STX8: variants seen among roughly 807,000 people sequenced by gnomAD.
STX8 encodes the protein syntaxin-8.
Under a neutral mutation model 37.5 loss-of-function variants are expected in STX8, and 23 were observed. That is an observed-to-expected ratio of 0.61 (90% CI 0.44 to 0.87). STX8 has a LOEUF of 0.87. STX8 is among the 40% of genes least tolerant of loss of function. The pLI is 0.00. For missense variants in STX8, 313 were observed against 284.7 expected (o/e 1.10, Z -0.71); for synonymous variants, 115 against 99.1 (o/e 1.16, Z -0.95).
At chr17:9,352,466 C>CTTTT (rs745427686) in intron 7 of STX8, among the ~76,000 whole-genome samples, 17 of 88,120 alleles carry the variant, frequency 1.9e-4, no homozygotes, top group African/African-American at 7.3e-4. Flanking sequence ...CTTACTCCCA[C>CTTTT]TTTTTTTTTT....
chr17:9,386,104 CAAAA>C (rs57683285), intron 6 of STX8, among the ~76,000 whole-genome samples: 28,105 of 118,538 alleles, frequency 0.24, 3,300 homozygotes, highest in African/African-American at 0.37. Context: ...GCCTATTTCT[CAAAA>C]AAAAAAAAAA....
chr17:9,307,107 G>A (rs1030757152), intron 7 of STX8, among the ~76,000 whole-genome samples: 10 of 152,128 alleles, frequency 6.6e-5, no homozygotes, highest in African/African-American at 2.2e-4. Flanking sequence ...CTGGGACAGA[G>A]CAAGACTCCG....
chr17:9,473,035 G>C (rs547233501), intron 6 of STX8, among the ~76,000 whole-genome samples: 1 of 136,186 alleles, frequency 7.3e-6, no homozygotes, highest in East Asian at 2.0e-4. Context: ...TGTGTCTCAG[G>C]ATCTTTTTTT....
At chr17:9,385,788 AG>A (rs1371387160) in intron 6 of STX8, among the ~76,000 whole-genome samples, 3 of 152,132 alleles carry the variant, frequency 2.0e-5, no homozygotes, top group African/African-American at 7.2e-5. Flanking sequence ...TTGTTTTTTG[AG>A]GTGGCATCTT....
At chr17:9,405,714 C>T (rs1912778381) in intron 6 of STX8, among the ~76,000 whole-genome samples, 1 of 152,212 alleles carries the variant, frequency 6.6e-6, no homozygotes, top group Non-Finnish European at 1.5e-5. Context: ...CAATGAAAAT[C>T]TGTCAGGCAG....
intron 7 of STX8, among the ~76,000 whole-genome samples, chr17:9,347,545 TCA>T (rs1910574219): frequency 6.6e-6 from 1 of 152,330 alleles, no homozygotes; most frequent in East Asian, 1.9e-4. Context: ...AGACAGGGTC[TCA>T]CTCTGTTCCC....
At position 9,491,935 on chromosome 17, in the gene STX8, G is replaced by GA. The variant is rs1171155847; in HGVS notation, c.449-15dup. 9 of 1,575,358 alleles carry GA rather than the reference G, an allele frequency of 5.7e-6. No individual in the cohort carries two copies. The highest frequency in any genetic ancestry group is 7.8e-6 in the Non-Finnish European group (9 of 1,156,980). Reference sequence around the variant, plus strand: ...CTGCGTCCTGTTCTGAAAGAAAAAAGAAAAATAATTAACTAGAAACTAGAA... The same window carrying GA: ...CTGCGTCCTGTTCTGAAAGAAAAAAGAAAAAATAATTAACTAGAAACTAGAA... On this transcript the variant is annotated splice_polypyrimidine_tract_variant and intron_variant, in intron 5 of 7. Transcript: ENST00000306357.
chr17:9,264,421 C>T (rs1907157474), intron 7 of STX8, among the ~76,000 whole-genome samples: 1 of 152,208 alleles, frequency 6.6e-6, no homozygotes, highest in Non-Finnish European at 1.5e-5. Flanking sequence ...CCCCCCACGT[C>T]AGCCTCCTGA....
chr17:9,426,653 C>CAGG (rs71361893), intron 6 of STX8, among the ~76,000 whole-genome samples: 27,666 of 151,996 alleles, frequency 0.18, 3,046 homozygotes, highest in Middle Eastern at 0.27. Flanking sequence ...CTTAGCTACT[C>CAGG]AGGAGGCTGA....
chr17:9,388,928 T>C (rs187099143), intron 6 of STX8, among the ~76,000 whole-genome samples: 5 of 152,340 alleles, frequency 3.3e-5, no homozygotes, highest in Admixed American at 1.3e-4. Context: ...TTATAATTTC[T>C]CATGGTTACA....
chr17:9,309,733 G>T (rs1909126377), intron 7 of STX8, among the ~76,000 whole-genome samples: 1 of 152,152 alleles, frequency 6.6e-6, no homozygotes, highest in South Asian at 2.1e-4. Flanking sequence ...TAAAGGAAAG[G>T]GAAGGGGTCA....
intron 7 of STX8, among the ~76,000 whole-genome samples, chr17:9,288,305 T>C (rs1292742653): frequency 1.3e-5 from 2 of 151,244 alleles, no homozygotes; most frequent in Non-Finnish European, 2.9e-5. Flanking sequence ...TCTATGAAAT[T>C]AGAACAGAAT....
chr17:9,276,293 A>C (rs1907673245), intron 7 of STX8, among the ~76,000 whole-genome samples: 1 of 152,178 alleles, frequency 6.6e-6, no homozygotes, highest in Admixed American at 6.5e-5. Context: ...TTGGTTCCTA[A>C]CGAAGGGAAC....
At chr17:9,348,041 G>A (rs1239485214) in intron 7 of STX8, among the ~76,000 whole-genome samples, 2 of 152,070 alleles carry the variant, frequency 1.3e-5, no homozygotes, top group African/African-American at 2.4e-5. Flanking sequence ...ATAAATAATG[G>A]TGGTTGGATA....
chr17:9,402,888 T>C (rs9893856), intron 6 of STX8, among the ~76,000 whole-genome samples: 37,125 of 152,164 alleles, frequency 0.24, 4,953 homozygotes, highest in African/African-American at 0.34. Flanking sequence ...TCAGTGACTA[T>C]GGATACGGAG....
chr17:9,337,865 A>G (rs1054615915), intron 7 of STX8, among the ~76,000 whole-genome samples: 5 of 152,124 alleles, frequency 3.3e-5, no homozygotes, highest in African/African-American at 9.7e-5. Context: ...CCAACTGTTC[A>G]GGGTGGCTGG....
At chr17:9,514,069 C>A (rs1905100385) in intron 4 of STX8, among the ~76,000 whole-genome samples, 1 of 152,054 alleles carries the variant, frequency 6.6e-6, no homozygotes, top group Non-Finnish European at 1.5e-5. Context: ...AAGGGACACA[C>A]AATTATAGTT....
intron 6 of STX8, among the ~76,000 whole-genome samples, chr17:9,404,656 T>C (rs746724263): frequency 3.3e-5 from 5 of 152,126 alleles, no homozygotes; most frequent in Admixed American, 6.5e-5. Context: ...GGTTTCACCA[T>C]GTTGGCCAGG....
intron 4 of STX8, 139 bp downstream of exon 4, chr17:9,545,033 A>T (rs796179621): frequency 4.9e-6 from 3 of 613,098 alleles, no homozygotes; most frequent in African/African-American, 3.7e-5. Flanking sequence ...TAAATTGAGT[A>T]GAAAATTATA....
Sources: gnomAD v4.1 joint callset for allele counts (sites outside exome capture counted in the v4.1 genomes callset) on GRCh38, gnomAD v4.1.1 for gene constraint, MANE v1.5 for transcripts, NCBI Gene and HGNC (gene_info 2026-07-23, HGNC 2026-07-21) for gene names.